The following ADAM17 variants were observed in gnomAD, a reference collection of about 807,000 sequenced individuals.
ADAM17 encodes the protein ADAM metallopeptidase domain 17, also known as disintegrin and metalloproteinase domain-containing protein 17.
ADAM17 carries 39 observed loss-of-function variants against 96.7 expected under a neutral mutation model. The ratio of observed to expected loss-of-function variants is 0.40; its 90% confidence interval spans 0.31 to 0.53. The LOEUF (loss-of-function observed/expected upper bound fraction) is 0.53. Ranked by LOEUF, ADAM17 falls within the 20% of genes least tolerant of loss-of-function variation. ADAM17 has a pLI of 0.44. For missense variants in ADAM17, 777 were observed against 1,013.2 expected (o/e 0.77, Z 3.17); for synonymous variants, 344 against 359.2 (o/e 0.96, Z 0.48).
intron 10 of ADAM17, among the ~76,000 whole-genome samples, chr2:9,511,936 C>T (rs966967520): frequency 1.3e-5 from 2 of 151,768 alleles, no homozygotes; most frequent in Non-Finnish European, 2.9e-5. Context: ...GGCCACTGAA[C>T]CCCCAGCCTG....
Position 9,505,100 on chromosome 2 carries a change from GTCTTC to G in ADAM17, c.1544+61_1544+65del, listed in dbSNP as rs1663305853. 4 of 1,536,376 alleles carry G rather than the reference GTCTTC, an allele frequency of 2.6e-6. No individual in the cohort carries two copies. The East Asian group carries it at 6.8e-5, about 26-fold the overall frequency. ...TGATTCTAAAGCCCCTGCAAGTTCA[GTCTTC>G]TCTTATTTTGGACATCTTGTTATAC... On this transcript the variant is annotated intron_variant, in intron 12 of 18. Transcript: ENST00000310823.
chr2:9,530,162 A>T (rs1664681306), intron 4 of ADAM17, among the ~76,000 whole-genome samples: 1 of 152,248 alleles, frequency 6.6e-6, no homozygotes, highest in Non-Finnish European at 1.5e-5. Flanking sequence ...CTCAAAAGTT[A>T]ACTAACCCAA....
At chr2:9,537,240 C>T (rs777922263) in intron 2 of ADAM17, among the ~76,000 whole-genome samples, 1 of 152,214 alleles carries the variant, frequency 6.6e-6, no homozygotes, top group East Asian at 1.9e-4. Flanking sequence ...CATCTATTAT[C>T]CCCACTTCAC....
intron 14 of ADAM17, among the ~76,000 whole-genome samples, chr2:9,496,051 G>A (rs1019220548): frequency 1.3e-5 from 2 of 152,046 alleles, no homozygotes; most frequent in African/African-American, 4.8e-5. Flanking sequence ...TCACTCCACT[G>A]TATGGATGGT....
At chr2:9,518,544 GAA>G (rs1664172454) in intron 8 of ADAM17, among the ~76,000 whole-genome samples, 2 of 152,186 alleles carry the variant, frequency 1.3e-5, no homozygotes, top group African/African-American at 2.4e-5. Flanking sequence ...GGGCTGTTCT[GAA>G]GACATACAGC....
intron 14 of ADAM17, 144 bp from the exon 15 acceptor site, chr2:9,494,911 C>T (rs1662452163): frequency 7.2e-6 from 7 of 975,606 alleles, no homozygotes; most frequent in Non-Finnish European, 1.0e-5. Context: ...TATCCATAGC[C>T]CCCACCAAGG....
chr2:9,531,324 T>C (rs1312356931), intron 4 of ADAM17, among the ~76,000 whole-genome samples: 1 of 151,662 alleles, frequency 6.6e-6, no homozygotes, highest in Non-Finnish European at 1.5e-5. Flanking sequence ...TCCCAGCACT[T>C]TGGGAGGCCG....
chr2:9,538,298 T>C (rs1046039303), intron 2 of ADAM17, among the ~76,000 whole-genome samples: 2 of 152,206 alleles, frequency 1.3e-5, no homozygotes, highest in African/African-American at 4.8e-5. Flanking sequence ...CCCCATGGGA[T>C]TGCAAAAGTC....
chr2:9,510,213 A>G (rs1357701902), intron 10 of ADAM17, 82 bp from the exon 11 acceptor site: 2 of 1,393,898 alleles, frequency 1.4e-6, no homozygotes, highest in Non-Finnish European at 2.0e-6. Context: ...TGCTGTCTTA[A>G]ATAGAGCCTT....
At chr2:9,515,812 A>G (rs768097938) in intron 10 of ADAM17, among the ~76,000 whole-genome samples, 3 of 151,964 alleles carry the variant, frequency 2.0e-5, no homozygotes, top group Non-Finnish European at 4.4e-5. Context: ...CCATTTTTGC[A>G]TTCCCACTAG....
At chr2:9,490,845 CTAAG>C (rs1190625615) in intron 18 of ADAM17, among the ~76,000 whole-genome samples, 4 of 152,170 alleles carry the variant, frequency 2.6e-5, no homozygotes, top group Non-Finnish European at 4.4e-5. Flanking sequence ...AAAATATTAA[CTAAG>C]TGTTGAATGG....
rs145200448 is a variant in ADAM17 at position 9,514,299 on chromosome 2, T to C, written c.1191+3602A>G. Reference sequence around the variant, plus strand: ...GCATGTTCTCACTCAAAGGTGGGAATTGAACAATGAGAACACTTGGACACA... The same window carrying C: ...GCATGTTCTCACTCAAAGGTGGGAACTGAACAATGAGAACACTTGGACACA... On this transcript the variant is annotated intron_variant, in intron 10 of 18. Coordinates refer to ENST00000310823, the MANE Select transcript of ADAM17 (RefSeq NM_003183.6). Among the ~76,000 whole-genome samples, 403 of 122,818 alleles carry C rather than the reference T, an allele frequency of 3.3e-3. 3 individuals are homozygous for C. Among genetic ancestry groups the C allele is most frequent in the African/African-American group, 0.012 (386 of 31,460 alleles). 80.6% of individuals were successfully genotyped at this position (122,818 alleles called of 152,430 possible). A position where few individuals can be genotyped will look rare whatever the true frequency, so the allele number is the denominator to read the frequency against.
At chr2:9,497,328 C>A in intron 13 of ADAM17, 80 bp from the exon 14 acceptor site, 1 of 1,561,516 alleles carries the variant, frequency 6.4e-7, no homozygotes, top group South Asian at 1.2e-5. Context: ...CGCTGTTTCT[C>A]ATACAAGTGA....
At chr2:9,531,486 G>A (rs1304366277) in intron 4 of ADAM17, among the ~76,000 whole-genome samples, 3 of 151,634 alleles carry the variant, frequency 2.0e-5, no homozygotes, top group Non-Finnish European at 2.9e-5. Flanking sequence ...TGGATCACCT[G>A]AGACCAGGAG....
rs973532544 is a variant in ADAM17, at chr2:9,518,392, C to G, written c.958-145G>C. 1.5e-5 allele frequency: 15 copies of G among 1,033,486 alleles called. No individual in the cohort carries two copies. In the African/African-American group the frequency reaches 2.5e-4, roughly 17 times the overall value. The allele number at this position is 1,033,486 out of a possible 1,614,324, so 64.0% of individuals were successfully genotyped here. A position where few individuals can be genotyped will look rare whatever the true frequency, so the allele number is the denominator to read the frequency against. On this transcript the variant is annotated intron_variant, in intron 8 of 18. Transcript: ENST00000310823. ...AGCTCAGCACCAGCAATCACAACCT[C>G]GTGCAGTGCTTTGCTCTTTCCCTAA...
intron 11 of ADAM17, among the ~76,000 whole-genome samples, chr2:9,507,853 C>T (rs1658515824): frequency 6.6e-6 from 1 of 152,194 alleles, no homozygotes; most frequent in Admixed American, 6.5e-5. Flanking sequence ...GCTGGGACTA[C>T]AAGCATGTGC....
intron 4 of ADAM17, among the ~76,000 whole-genome samples, chr2:9,534,890 A>G (rs1033014255): frequency 2.0e-5 from 3 of 152,226 alleles, no homozygotes; most frequent in Admixed American, 2.0e-4. Context: ...TGCTTTGCCT[A>G]TTCTAGAATG....
chr2:9,540,600 A>G (rs1047685801), intron 2 of ADAM17, among the ~76,000 whole-genome samples: 1 of 152,216 alleles, frequency 6.6e-6, no homozygotes, highest in East Asian at 1.9e-4. Flanking sequence ...TAACCTAAGG[A>G]TAATTGCAAT....
At chr2:9,504,556 G>A (rs1228191730) in intron 12 of ADAM17, among the ~76,000 whole-genome samples, 1 of 152,104 alleles carries the variant, frequency 6.6e-6, no homozygotes, top group Non-Finnish European at 1.5e-5. Flanking sequence ...CACAAGGTCA[G>A]GAGTTGGAGA....
Sources: gnomAD v4.1 joint callset for allele counts (sites outside exome capture counted in the v4.1 genomes callset) on GRCh38, gnomAD v4.1.1 for gene constraint, MANE v1.5 for transcripts, NCBI Gene and HGNC (gene_info 2026-07-23, HGNC 2026-07-21) for gene names.